Variants in MED30 observed in about 807,000 individuals in gnomAD.
The protein encoded by MED30 is mediator of RNA polymerase II transcription subunit 30.
MED30 carries 8 observed loss-of-function variants against 21.7 expected under a neutral mutation model. That is an observed-to-expected ratio of 0.37 (90% CI 0.22 to 0.67). MED30 has a LOEUF of 0.67. MED30 is among the 30% of genes least tolerant of loss of function. The pLI is 0.58. For missense variants in MED30, 203 were observed against 228.2 expected (o/e 0.89, Z 0.71); for synonymous variants, 79 against 86.7 (o/e 0.91, Z 0.49).
chr8:117,523,533 G>A, intron 1 of MED30: 1 of 1,599,508 alleles, frequency 6.3e-7, no homozygotes, highest in South Asian at 1.1e-5. Context: ...AGAGATACTG[G>A]ATACCCTCAT....
intron 2 of MED30, 82 bp from the exon 3 acceptor site, chr8:117,530,641 T>G: frequency 3.3e-6 from 3 of 905,716 alleles, no homozygotes; most frequent in Non-Finnish European, 5.0e-6. Context: ...AAAATTGACC[T>G]TAATCTGATA....
intron 3 of MED30, among the ~76,000 whole-genome samples, chr8:117,535,855 C>T (rs556007743): frequency 3.4e-4 from 52 of 151,824 alleles, no homozygotes; most frequent in African/African-American, 1.2e-3. Context: ...TACATCTTAC[C>T]TATTATGGTA....
intron 1 of MED30, among the ~76,000 whole-genome samples, chr8:117,525,180 G>A (rs1354091472): frequency 6.6e-6 from 1 of 152,174 alleles, no homozygotes; most frequent in Non-Finnish European, 1.5e-5. Flanking sequence ...GACCAGCACA[G>A]TGAGTTATAG....
At position 117,535,196 on chromosome 8, in the gene MED30, A is replaced by AAAG. The variant is rs1191779317; in HGVS notation, c.441+4370_441+4372dup. Among the ~76,000 whole-genome samples the AAAG allele has an allele frequency of 5.3e-5, 8 of 151,414 alleles. No homozygotes were observed. The East Asian group carries it at 1.4e-3, about 26-fold the overall frequency. The stretch of plus-strand genomic sequence containing the variant: ...AATATAAGATTAAAATATATGATTA[A>AAAG]AAGTTTTAATTTTTAAAATACTGAG... On this transcript the variant is annotated intron_variant, in intron 3 of 3. Transcript: ENST00000297347.
chr8:117,526,750 G>A (rs1214307290), intron 1 of MED30, among the ~76,000 whole-genome samples: 12 of 151,862 alleles, frequency 7.9e-5, no homozygotes, highest in Admixed American at 7.9e-4. Flanking sequence ...AACGTGTGTG[G>A]TATTTTTTCT....
intron 3 of MED30, among the ~76,000 whole-genome samples, chr8:117,539,020 G>A (rs1818932790): frequency 6.6e-6 from 1 of 151,612 alleles, no homozygotes; most frequent in South Asian, 2.1e-4. Flanking sequence ...GTGCCTAACA[G>A]TAACATTTGT....
intron 3 of MED30, among the ~76,000 whole-genome samples, chr8:117,537,113 A>C (rs1228110188): frequency 6.6e-6 from 1 of 152,238 alleles, no homozygotes; most frequent in African/African-American, 2.4e-5. Flanking sequence ...AAAAGATAGT[A>C]GGTAGTATTT....
At chr8:117,524,045 C>G (rs1818681666) in intron 1 of MED30, 1 of 177,560 alleles carries the variant, frequency 5.6e-6, no homozygotes, top group Non-Finnish European at 1.2e-5. Context: ...TACGTTTCTT[C>G]TTAAGCTTCA....
In MED30 at chr8:117,520,721, T is replaced by A. The variant is rs554424228; in HGVS notation, c.-156T>A. 2.9e-6 allele frequency: 2 copies of A among 701,124 alleles called. No individual in the cohort carries two copies. Among genetic ancestry groups the A allele is most frequent in the Admixed American group, 6.2e-5 (2 of 32,384 alleles). 43.4% of individuals were successfully genotyped at this position (701,124 alleles called of 1,614,324 possible). A position where few individuals can be genotyped will look rare whatever the true frequency, so the allele number is the denominator to read the frequency against. Reference sequence around the variant, plus strand: ...CTATGACGTTTTCTGACGTGTTACGTCACAGTGGGCGGAAGTCGCGGCCGC... The same window carrying A: ...CTATGACGTTTTCTGACGTGTTACGACACAGTGGGCGGAAGTCGCGGCCGC... On this transcript the variant is annotated 5_prime_UTR_variant, in exon 1 of 4. Coordinates refer to ENST00000297347, the MANE Select transcript of MED30 (RefSeq NM_080651.4).
intron 3 of MED30, among the ~76,000 whole-genome samples, chr8:117,533,936 T>A (rs1203047245): frequency 2.6e-5 from 4 of 152,232 alleles, no homozygotes; most frequent in African/African-American, 9.6e-5. Context: ...GACACTTAAA[T>A]TTTGAGTCCT....
chr8:117,532,292 G>T (rs947832265), intron 3 of MED30, among the ~76,000 whole-genome samples: 67 of 151,670 alleles, frequency 4.4e-4, no homozygotes, highest in Non-Finnish European at 8.1e-4. Flanking sequence ...AAACCCAAAT[G>T]GAATTTTTTT....
At chr8:117,522,381 G>A (rs1818638290) in intron 1 of MED30, among the ~76,000 whole-genome samples, 1 of 152,104 alleles carries the variant, frequency 6.6e-6, no homozygotes, top group African/African-American at 2.4e-5. Flanking sequence ...TGGCAGATAC[G>A]GATCCAAGTT....
At chr8:117,536,435 A>G (rs1237704786) in intron 3 of MED30, among the ~76,000 whole-genome samples, 1 of 152,228 alleles carries the variant, frequency 6.6e-6, no homozygotes, top group African/African-American at 2.4e-5. Context: ...TAAATAAGCT[A>G]CCTAAAATAA....
intron 3 of MED30, among the ~76,000 whole-genome samples, chr8:117,534,850 GTTTTTTTTT>G (rs3040827): frequency 8.3e-6 from 1 of 121,048 alleles, no homozygotes; most frequent in African/African-American, 3.1e-5. Flanking sequence ...CAAACAAATT[GTTTTTTTTT>G]TTTTTTTTTA....
chr8:117,521,520 A>G (rs1818620505), intron 1 of MED30, among the ~76,000 whole-genome samples: 1 of 152,236 alleles, frequency 6.6e-6, no homozygotes, highest in Non-Finnish European at 1.5e-5. Context: ...TGTAGTCTGT[A>G]TACTTGTGAA....
At chr8:117,537,072 C>T (rs760365578) in intron 3 of MED30, among the ~76,000 whole-genome samples, 2 of 152,284 alleles carry the variant, frequency 1.3e-5, no homozygotes, top group African/African-American at 2.4e-5. Context: ...TTTTGCTTAA[C>T]GCTCTTTTCT....
intron 1 of MED30, among the ~76,000 whole-genome samples, chr8:117,525,634 A>G (rs746624538): frequency 6.6e-6 from 1 of 152,086 alleles, no homozygotes; most frequent in Non-Finnish European, 1.5e-5. Context: ...TGTGATCCTT[A>G]TGGAATTTAT....
intron 1 of MED30, chr8:117,523,287 A>G (rs535463695): frequency 7.9e-7 from 1 of 1,258,538 alleles, no homozygotes; most frequent in Admixed American, 1.7e-5. Flanking sequence ...GACCATGTCC[A>G]CGACCAAATC....
chr8:117,533,297 A>T (rs527242349), intron 3 of MED30, among the ~76,000 whole-genome samples: 14 of 147,868 alleles, frequency 9.5e-5, no homozygotes, highest in Non-Finnish European at 2.0e-4. Flanking sequence ...GCATGTAACC[A>T]AAAAAAAAAA....
Sources: gnomAD v4.1 joint callset for allele counts (sites outside exome capture counted in the v4.1 genomes callset) on GRCh38, gnomAD v4.1.1 for gene constraint, MANE v1.5 for transcripts, NCBI Gene and HGNC (gene_info 2026-07-23, HGNC 2026-07-21) for gene names.